The following DGKB variants were observed in gnomAD, a reference collection of about 807,000 sequenced individuals.
DGKB encodes diacylglycerol kinase beta.
A neutral mutation model predicts 114.3 loss-of-function variants in DGKB; 67 were observed. The observed-to-expected ratio is 0.59, with a 90% confidence interval of 0.48 to 0.72. DGKB has a LOEUF of 0.72. Among genes scored for constraint, DGKB ranks in the 30% least tolerant of loss-of-function variants. The pLI is 0.00. For synonymous variants in DGKB, 398 were observed against 323.1 expected (o/e 1.23, Z -2.49); for missense variants, 907 against 975.2 (o/e 0.93, Z 0.93).
chr7:14,257,758 C>T (rs1796154428), intron 23 of DGKB, among the ~76,000 whole-genome samples: 1 of 152,118 alleles, frequency 6.6e-6, no homozygotes, highest in Non-Finnish European at 1.5e-5. Flanking sequence ...TGGAGTTTGG[C>T]TCTTGTTGCC....
chr7:14,213,215 C>G (rs572155386), intron 23 of DGKB, among the ~76,000 whole-genome samples: 3 of 151,928 alleles, frequency 2.0e-5, no homozygotes, highest in African/African-American at 4.8e-5. Flanking sequence ...AATTAATGCC[C>G]AAAATACCAC....
intron 1 of DGKB, among the ~76,000 whole-genome samples, chr7:14,918,872 G>A (rs1784369321): frequency 6.6e-6 from 1 of 151,864 alleles, no homozygotes; most frequent in Non-Finnish European, 1.5e-5. Flanking sequence ...AAACCAACTG[G>A]CCAACACGGT....
chr7:14,631,347 T>C (rs748132059), intron 13 of DGKB, among the ~76,000 whole-genome samples: 12 of 149,276 alleles, frequency 8.0e-5, no homozygotes, highest in Non-Finnish European at 1.5e-4. Context: ...AGAATAGAGA[T>C]GGACTAAAAG....
At chr7:14,811,892 G>T (rs1419867652) in intron 2 of DGKB, among the ~76,000 whole-genome samples, 1 of 120,890 alleles carries the variant, frequency 8.3e-6, no homozygotes, top group Non-Finnish European at 1.6e-5. Context: ...TGTATCTTTA[G>T]AACTTTTTTA....
chr7:14,719,506 G>C (rs575400913), intron 5 of DGKB, among the ~76,000 whole-genome samples: 2 of 144,224 alleles, frequency 1.4e-5, no homozygotes, highest in East Asian at 4.5e-4. Context: ...TATCCCTTGA[G>C]GGATATATGG....
chr7:14,430,797 C>T (rs562263746), intron 21 of DGKB, among the ~76,000 whole-genome samples: 1 of 152,236 alleles, frequency 6.6e-6, no homozygotes, highest in East Asian at 1.9e-4. Flanking sequence ...TTATGTGTTA[C>T]AGAAGTACTT....
At chr7:14,956,844 A>T (rs1013757826) in intron 1 of DGKB, among the ~76,000 whole-genome samples, 2 of 150,234 alleles carry the variant, frequency 1.3e-5, no homozygotes, top group African/African-American at 4.9e-5. Context: ...TAGAGGGAAA[A>T]GTCGTTTCAA....
chr7:14,648,945 A>G (rs2128893486), intron 13 of DGKB, among the ~76,000 whole-genome samples: 1 of 101,584 alleles, frequency 9.8e-6, no homozygotes, highest in Non-Finnish European at 2.1e-5. Flanking sequence ...AGTTTAGAGA[A>G]AAAAGAATAA....
At chr7:14,534,930 C>G (rs146308272) in intron 20 of DGKB, among the ~76,000 whole-genome samples, 3 of 152,076 alleles carry the variant, frequency 2.0e-5, no homozygotes, top group African/African-American at 7.2e-5. Flanking sequence ...AAAATAAACT[C>G]TCGAAAAGTC....
intron 2 of DGKB, among the ~76,000 whole-genome samples, chr7:14,824,590 T>C (rs1428889320): frequency 6.6e-6 from 1 of 152,094 alleles, no homozygotes; most frequent in Non-Finnish European, 1.5e-5. Flanking sequence ...TCCTGAAAAA[T>C]GTTTTCATTA....
At chr7:14,272,271 C>A (rs957381293) in intron 23 of DGKB, among the ~76,000 whole-genome samples, 1 of 152,086 alleles carries the variant, frequency 6.6e-6, no homozygotes, top group African/African-American at 2.4e-5. Context: ...CTTTTAGCAT[C>A]CCCAGTCAGG....
intron 1 of DGKB, among the ~76,000 whole-genome samples, chr7:14,929,907 GAGAT>G (rs1784920747): frequency 6.6e-6 from 1 of 152,048 alleles, no homozygotes; most frequent in Admixed American, 6.6e-5. Context: ...TATATGTTGA[GAGAT>G]AGGGGTTCAG....
intron 2 of DGKB, among the ~76,000 whole-genome samples, chr7:14,766,371 G>C (rs1027540155): frequency 3.3e-5 from 5 of 151,820 alleles, no homozygotes; most frequent in African/African-American, 9.7e-5. Context: ...GAATTATTTT[G>C]AAAGTAGAGC....
intron 23 of DGKB, among the ~76,000 whole-genome samples, chr7:14,332,784 G>A: frequency 6.6e-6 from 1 of 152,022 alleles, no homozygotes; most frequent in East Asian, 1.9e-4. Flanking sequence ...AATTCTGCCC[G>A]AAGAAAAGAG....
At chr7:14,170,145 A>AAAAGAAGGAAAGAAAG (rs1780685834) in intron 25 of DGKB, among the ~76,000 whole-genome samples, 1 of 99,982 alleles carries the variant, frequency 1.0e-5, no homozygotes, top group Non-Finnish European at 2.0e-5. Flanking sequence ...AAAAAAAAAA[A>AAAAGAAGGAAAGAAAG]AAAGAAAGAA....
At chr7:14,962,192 A>G (rs1786886251) in intron 1 of DGKB, among the ~76,000 whole-genome samples, 1 of 152,156 alleles carries the variant, frequency 6.6e-6, no homozygotes, top group African/African-American at 2.4e-5. Context: ...ATTTCCAGAT[A>G]TTCAAAATAG....
At chr7:14,735,263 G>GGGCTAGGTT (rs915499941) in intron 5 of DGKB, among the ~76,000 whole-genome samples, 2 of 152,106 alleles carry the variant, frequency 1.3e-5, no homozygotes, top group African/African-American at 2.4e-5. Context: ...AAAAGTCCAA[G>GGGCTAGGTT]GGCTAGGTTT....
At chr7:14,779,317 C>A (rs1413411474) in intron 2 of DGKB, among the ~76,000 whole-genome samples, 1 of 152,076 alleles carries the variant, frequency 6.6e-6, no homozygotes, top group Non-Finnish European at 1.5e-5. Flanking sequence ...TGGCAAATTG[C>A]TTGAGCCGAG....
chr7:14,646,962 A>C (rs1171169320), intron 13 of DGKB, among the ~76,000 whole-genome samples: 1 of 151,940 alleles, frequency 6.6e-6, no homozygotes, highest in Non-Finnish European at 1.5e-5. Flanking sequence ...GGAAGAAAAA[A>C]ATAATAAAGA....
Sources: allele counts gnomAD v4.1 joint callset (sites outside exome capture counted in the v4.1 genomes callset), GRCh38; gene constraint gnomAD v4.1.1; transcripts MANE v1.5; gene names NCBI Gene and HGNC (gene_info 2026-07-23, HGNC 2026-07-21).